BCAP29: variants seen among roughly 807,000 people sequenced by gnomAD.
The protein encoded by BCAP29 is B-cell receptor-associated protein 29.
BCAP29 carries 34 observed loss-of-function variants against 31.8 expected under a neutral mutation model. The observed-to-expected ratio is 1.07, with a 90% CI of 0.81 to 1.42. The LOEUF (loss-of-function observed/expected upper bound fraction) is 1.42, where lower values mean the gene tolerates loss of function less well. Among genes scored for constraint, BCAP29 ranks in the 40% most tolerant of loss-of-function variants. The pLI, the probability that BCAP29 is intolerant of heterozygous loss-of-function variation, is 0.00. For missense variants in BCAP29, 314 were observed against 269.2 expected, an observed-to-expected ratio of 1.17 and a Z score of -1.16; for synonymous variants, 104 against 91.3, an observed-to-expected ratio of 1.14 and a Z score of -0.79.
At chr7:107,611,047 T>C (rs1289231831) in intron 6 of BCAP29, among the ~76,000 whole-genome samples, 1 of 152,116 alleles carries the variant, frequency 6.6e-6, no homozygotes, top group Non-Finnish European at 1.5e-5. Flanking sequence ...GTTTCGTGAT[T>C]CGTAGATGGT....
chr7:107,611,953 G>T (rs962643068), intron 6 of BCAP29, among the ~76,000 whole-genome samples: 3 of 152,070 alleles, frequency 2.0e-5, no homozygotes, highest in African/African-American at 4.8e-5. Context: ...AGTGACTACC[G>T]TATTGACAAC....
chr7:107,581,701 T>G (rs1056531076), intron 2 of BCAP29, among the ~76,000 whole-genome samples: 1 of 152,360 alleles, frequency 6.6e-6, no homozygotes, highest in South Asian at 2.1e-4. Flanking sequence ...ATCCCAGGAC[T>G]GGGAGAAACT....
chr7:107,613,772 A>G (rs763404420), intron 7 of BCAP29: 1 of 1,527,394 alleles, frequency 6.5e-7, no homozygotes, highest in Admixed American at 1.7e-5. Flanking sequence ...TATTCATGCC[A>G]AAATGAGGCC....
chr7:107,616,184 G>C (rs1814093633), intron 7 of BCAP29: 1 of 152,318 alleles, frequency 6.6e-6, no homozygotes, highest in African/African-American at 2.4e-5. Flanking sequence ...GCAGGAGGAA[G>C]GGGAAAGCCA....
intron 7 of BCAP29, 101 bp downstream of exon 7, chr7:107,613,533 C>A: frequency 7.6e-7 from 1 of 1,312,400 alleles, no homozygotes; most frequent in Non-Finnish European, 1.1e-6. Flanking sequence ...AGATGATGTA[C>A]TTAATCCTGG....
intron 3 of BCAP29, among the ~76,000 whole-genome samples, chr7:107,590,100 A>G (rs1485165997): frequency 1.3e-5 from 2 of 152,224 alleles, no homozygotes; most frequent in East Asian, 3.8e-4. Flanking sequence ...AAAATACAAT[A>G]TATTAAAATT....
chr7:107,585,916 G>A (rs188564471), intron 3 of BCAP29, among the ~76,000 whole-genome samples: 5 of 152,082 alleles, frequency 3.3e-5, no homozygotes, highest in Non-Finnish European at 5.9e-5. Context: ...GTTTGCACCC[G>A]AGAGGCAGAG....
intron 6 of BCAP29, among the ~76,000 whole-genome samples, chr7:107,603,899 T>C (rs1409953945): frequency 1.8e-4 from 28 of 152,160 alleles, no homozygotes; most frequent in Admixed American, 1.7e-3. Context: ...CTGCTGTGCC[T>C]GGGCCTCAGC....
rs1814730318 is a variant in BCAP29, at chr7:107,619,579, A to C, written c.*1216A>C. ...AGCAAGTACCTAAAAATTTTATTTCAGATAAAAGTCAGGAGTTACTGCTAA... is the reference window on the plus strand; with the variant it reads ...AGCAAGTACCTAAAAATTTTATTTCCGATAAAAGTCAGGAGTTACTGCTAA... On this transcript the variant is annotated 3_prime_UTR_variant, in exon 8 of 8. Coordinates refer to ENST00000005259, the MANE Select transcript of BCAP29 (RefSeq NM_018844.4). 2 of 152,178 alleles carry C rather than the reference A, an allele frequency of 1.3e-5. No homozygotes were observed. The highest frequency in any genetic ancestry group is 1.3e-4 in the Admixed American group (2 of 15,278). The allele number at this position is 152,178 out of a possible 1,614,324, so 9.4% of individuals were successfully genotyped here.
intron 6 of BCAP29, 62 bp downstream of exon 6, chr7:107,600,567 C>A: frequency 1.0e-6 from 1 of 954,720 alleles, no homozygotes. Context: ...CTGTACACTT[C>A]ACTGTTTTTC....
At chr7:107,600,323 C>T (rs959415021) in intron 5 of BCAP29, 74 bp from the exon 6 acceptor site, 65 of 885,118 alleles carry the variant, frequency 7.3e-5, no homozygotes, top group Admixed American at 2.8e-4. Flanking sequence ...ATAGGTTACT[C>T]AGCTTATTTT....
chr7:107,588,104 A>G (rs757177195), intron 3 of BCAP29, among the ~76,000 whole-genome samples: 8 of 152,180 alleles, frequency 5.3e-5, no homozygotes, highest in Non-Finnish European at 7.4e-5. Flanking sequence ...GAGGATTACA[A>G]TGAAATCTGA....
intron 3 of BCAP29, among the ~76,000 whole-genome samples, chr7:107,591,008 T>A (rs1585077963): frequency 6.6e-6 from 1 of 152,176 alleles, no homozygotes; most frequent in Non-Finnish European, 1.5e-5. Flanking sequence ...ATGACATTTT[T>A]AAAAATTCCT....
chr7:107,589,161 C>T (rs1382310878), intron 3 of BCAP29, among the ~76,000 whole-genome samples: 1 of 152,200 alleles, frequency 6.6e-6, no homozygotes, highest in African/African-American at 2.4e-5. Context: ...TGTACATCAG[C>T]AGTCCCCACC....
chr7:107,585,986 C>T (rs921287516), intron 3 of BCAP29, among the ~76,000 whole-genome samples: 1 of 151,030 alleles, frequency 6.6e-6, no homozygotes, highest in East Asian at 1.9e-4. Flanking sequence ...AGTGAAACTC[C>T]GTCTCAAAAA....
chr7:107,617,828 C>A (rs1814470204), intron 7 of BCAP29, among the ~76,000 whole-genome samples: 2 of 151,592 alleles, frequency 1.3e-5, no homozygotes, highest in South Asian at 4.1e-4. Flanking sequence ...CATTTACTTT[C>A]TTAGCACAAG....
intron 3 of BCAP29, chr7:107,587,952 G>A (rs1030801672): frequency 1.3e-5 from 2 of 152,148 alleles, no homozygotes; most frequent in African/African-American, 4.8e-5. Context: ...AAAAAAGCAA[G>A]CTGTAGAATT....
intron 6 of BCAP29, among the ~76,000 whole-genome samples, chr7:107,606,982 G>A (rs1812218810): frequency 6.6e-6 from 1 of 152,164 alleles, no homozygotes; most frequent in East Asian, 1.9e-4. Flanking sequence ...GTCTCCTGAG[G>A]CCCTGTCCCC....
intron 5 of BCAP29, among the ~76,000 whole-genome samples, chr7:107,599,246 A>ATTT (rs1810574502): frequency 7.8e-6 from 1 of 127,568 alleles, no homozygotes; most frequent in East Asian, 2.0e-4. Context: ...TTTATATATA[A>ATTT]ATATATATAA....
Sources: gnomAD v4.1 joint callset for allele counts (sites outside exome capture counted in the v4.1 genomes callset) on GRCh38, gnomAD v4.1.1 for gene constraint, MANE v1.5 for transcripts, NCBI Gene and HGNC (gene_info 2026-07-23, HGNC 2026-07-21) for gene names.